ATOSB: variants seen among roughly 807,000 people sequenced by gnomAD.
The protein encoded by ATOSB is atos homolog B.
At chr9:35,104,545 C>T in the ATOSB span, 2 of 280,566 alleles carry the variant, frequency 7.1e-6, no homozygotes, top group Non-Finnish European at 8.0e-6. Flanking sequence ...TGCATACATG[C>T]ACACTCACAC....
the ATOSB span, among the ~76,000 whole-genome samples, chr9:35,114,524 G>A: frequency 1.3e-5 from 2 of 152,128 alleles, no homozygotes; most frequent in South Asian, 2.1e-4. Context: ...CAGCCCAGGG[G>A]CAAAAAGAAC....
At chr9:35,108,181 G>C in the ATOSB span, 1 of 1,595,496 alleles carries the variant, frequency 6.3e-7, no homozygotes, top group Non-Finnish European at 8.5e-7. Flanking sequence ...CCCATGAGCA[G>C]GCCACCCTGG....
chr9:35,105,672 C>T, the ATOSB span: 1 of 1,612,940 alleles, frequency 6.2e-7, no homozygotes, highest in Non-Finnish European at 8.5e-7. The surrounding 1 kb of genome is among the most constrained non-coding windows in gnomAD (Gnocchi z 5.5). Context: ...TCCCTGGGCC[C>T]TCTCCTCACC....
chr9:35,107,402 A>C, the ATOSB span: 31 of 1,613,316 alleles, frequency 1.9e-5, no homozygotes, highest in Non-Finnish European at 2.5e-5. Context: ...CTTTGGGCCC[A>C]GGCAGCAGGT....
the ATOSB span, chr9:35,105,946 G>A: frequency 6.2e-7 from 1 of 1,614,124 alleles, no homozygotes; most frequent in Non-Finnish European, 8.5e-7. This position sits in a 1 kb window ranked among gnomAD's most constrained non-coding sequence, Gnocchi z 5.5. Context: ...CTCACCACTT[G>A]GACGGTGCCC....
At chr9:35,112,878 A>C in the ATOSB span, among the ~76,000 whole-genome samples, 1 of 152,000 alleles carries the variant, frequency 6.6e-6, no homozygotes, top group Non-Finnish European at 1.5e-5. Context: ...TAGTAAAAAG[A>C]GGCTCCTTCC....
At chr9:35,108,308 A>T in the ATOSB span, 28 of 1,510,962 alleles carry the variant, frequency 1.9e-5, no homozygotes, top group Admixed American at 6.2e-4. Context: ...GCCCCCCAAC[A>T]CGGCCTTTAT....
chr9:35,107,646 C>A, the ATOSB span: 3 of 1,605,660 alleles, frequency 1.9e-6, no homozygotes, highest in Admixed American at 1.7e-5. Flanking sequence ...AGGCCAGAGG[C>A]TACCCCCATT....
the ATOSB span, chr9:35,108,568 T>C: frequency 8.4e-7 from 1 of 1,188,070 alleles, no homozygotes; most frequent in Non-Finnish European, 1.0e-6. Context: ...CTGGACACAC[T>C]TCCCCCTCTT....
the ATOSB span, chr9:35,106,435 A>G: frequency 6.8e-6 from 11 of 1,613,946 alleles, no homozygotes; most frequent in African/African-American, 1.3e-5. This position sits in a 1 kb window ranked among gnomAD's most constrained non-coding sequence, Gnocchi z 4.6. Context: ...GGGAAAACAC[A>G]TGAAGAGAGA....
the ATOSB span, chr9:35,105,080 C>A: frequency 1.1e-6 from 1 of 922,122 alleles, no homozygotes. This position sits in a 1 kb window ranked among gnomAD's most constrained non-coding sequence, Gnocchi z 5.5. Flanking sequence ...CTTTAAACAC[C>A]CAAATAATCC....
At chr9:35,113,555 C>G in the ATOSB span, among the ~76,000 whole-genome samples, 1 of 152,000 alleles carries the variant, frequency 6.6e-6, no homozygotes. Context: ...ACCCAGGAGG[C>G]GGAGGTTGTA....
chr9:35,112,038 G>A, the ATOSB span, among the ~76,000 whole-genome samples: 1 of 152,090 alleles, frequency 6.6e-6, no homozygotes, highest in African/African-American at 2.4e-5. Flanking sequence ...ACTCCCATTT[G>A]TCTTTCCCCA....
chr9:35,107,344 G>GTT, the ATOSB span: 1 of 1,217,642 alleles, frequency 8.2e-7, no homozygotes, highest in Non-Finnish European at 1.1e-6. Context: ...AAAAAAAAAA[G>GTT]TAAAAAAAGA....
At chr9:35,113,659 AATAAATAAATAAATAAAGAG>A in the ATOSB span, among the ~76,000 whole-genome samples, 3,217 of 151,144 alleles carry the variant, frequency 0.021, 97 homozygotes, top group South Asian at 0.068. Context: ...TAAATAAATA[AATAAATAAATAAATAAAGAG>A]GCCTTACCTT....
chr9:35,108,645 G>T, the ATOSB span: 4 of 1,031,250 alleles, frequency 3.9e-6, no homozygotes, highest in East Asian at 3.7e-4. Flanking sequence ...CCCAACTGAT[G>T]CCTCGTGCCC....
chr9:35,105,442 A>G, the ATOSB span: 4 of 1,544,752 alleles, frequency 2.6e-6, no homozygotes, highest in Non-Finnish European at 3.5e-6. This position sits in a 1 kb window ranked among gnomAD's most constrained non-coding sequence, Gnocchi z 5.5. Context: ...CTGTAATTCC[A>G]GTGCTTTGGG....
the ATOSB span, chr9:35,105,418 T>C: frequency 6.4e-7 from 1 of 1,573,798 alleles, no homozygotes; most frequent in South Asian, 1.2e-5. The surrounding 1 kb of genome is among the most constrained non-coding windows in gnomAD (Gnocchi z 5.5). Flanking sequence ...CAGGCTGGGT[T>C]CAGTGGCTCA....
chr9:35,111,524 G>C, the ATOSB span: 1 of 152,064 alleles, frequency 6.6e-6, no homozygotes, highest in Admixed American at 6.6e-5. Flanking sequence ...CCCCGGGGCC[G>C]CCCCGGCTCC....
Sources: gnomAD v4.1 joint callset for allele counts (sites outside exome capture counted in the v4.1 genomes callset) on GRCh38, gnomAD v4.1.1 for gene constraint, Gnocchi (gnomAD v3.1) non-coding constraint, MANE v1.5 for transcripts, NCBI Gene and HGNC (gene_info 2026-07-23, HGNC 2026-07-21) for gene names.